The following MAGI1 variants were observed in gnomAD, a reference collection of about 807,000 sequenced individuals.
MAGI1 encodes the protein membrane-associated guanylate kinase, WW and PDZ domain-containing protein 1.
MAGI1 carries 58 observed loss-of-function variants against 139.9 expected under a neutral mutation model. That is an observed-to-expected ratio of 0.41 (90% CI 0.34 to 0.52). The LOEUF is 0.52. MAGI1 is among the 20% of genes least tolerant of loss of function. The pLI, the probability that MAGI1 is intolerant of heterozygous loss-of-function variation, is 0.12. For missense variants in MAGI1, 1,874 were observed against 1,901.6 expected (o/e 0.99, Z 0.27); for synonymous variants, 812 against 737.9 (o/e 1.10, Z -1.63).
intron 1 of MAGI1, among the ~76,000 whole-genome samples, chr3:65,927,921 G>A (rs1347307124): frequency 6.6e-6 from 1 of 152,126 alleles, no homozygotes; most frequent in African/African-American, 2.4e-5. Flanking sequence ...TTCAGAAAAA[G>A]CAATCAAGAA....
intron 1 of MAGI1, among the ~76,000 whole-genome samples, chr3:65,981,599 C>G (rs1051193942): frequency 2.0e-5 from 3 of 152,180 alleles, no homozygotes; most frequent in African/African-American, 7.2e-5. Flanking sequence ...CCTCACCCTT[C>G]TCATCTTGAA....
Position 65,710,839 on chromosome 3 carries a change from TAAATA to T in MAGI1, c.314-88756_314-88752del, listed in dbSNP as rs138554264. Among the ~76,000 whole-genome samples the T allele has an allele frequency of 7.1e-4, 108 of 152,360 alleles. No homozygotes were observed. The East Asian group carries it at 0.02, about 29-fold the overall frequency. ...CCCTTCTTGACTAAGGAGTCCGTTT[TAAATA>T]TATGCTTTCCCAATGCCCATTGATA... On this transcript the variant is annotated intron_variant, in intron 1 of 22. Transcript: ENST00000402939.
intron 2 of MAGI1, among the ~76,000 whole-genome samples, chr3:65,527,596 A>G (rs1223324703): frequency 6.6e-6 from 1 of 152,054 alleles, no homozygotes; most frequent in Non-Finnish European, 1.5e-5. Context: ...GTGGTGGCAG[A>G]CGCCTGTAGT....
intron 1 of MAGI1, among the ~76,000 whole-genome samples, chr3:65,733,279 C>G (rs1436989865): frequency 6.6e-6 from 1 of 152,110 alleles, no homozygotes; most frequent in African/African-American, 2.4e-5. Context: ...AGGCTAGTCT[C>G]GAACTCCTGA....
At chr3:65,447,860 G>A (rs115577259) in intron 7 of MAGI1, among the ~76,000 whole-genome samples, 162 bp downstream of exon 7, 134 of 152,310 alleles carry the variant, frequency 8.8e-4, no homozygotes, top group African/African-American at 3.1e-3. Context: ...AGGCAGACAC[G>A]CAGGTTGTAA....
chr3:65,444,408 T>C, intron 7 of MAGI1, among the ~76,000 whole-genome samples: 1 of 152,018 alleles, frequency 6.6e-6, no homozygotes, highest in East Asian at 1.9e-4. Flanking sequence ...TGCACAGTCA[T>C]ACATTTGTAT....
Position 65,356,734 on chromosome 3 carries a change from T to C in MAGI1, c.4033A>G (p.Lys1345Glu), listed in dbSNP as rs753823882. ...CGCTCCGGAGAGACGTCTCGTCTCT[T>C]CTCGTGCTTCTCCCTCCTCTCCAAA... is the stretch of plus-strand genomic sequence containing the variant. ...NTLERREKHEKRRDVSPERRR... is the reference protein window; with the variant it reads ...NTLERREKHEERRDVSPERRR... The change falls in exon 23 of 23, where the codon AAG becomes GAG. Residue 1345 changes from lysine to glutamate, a missense_variant. By Grantham distance (56) the Lys-to-Glu change is moderately conservative. Around this residue, in one of 5 missense-constraint regions of MAGI1, gnomAD observed 653 missense variants for 644.5 expected, o/e 1.01. Coordinates refer to ENST00000402939, the MANE Select transcript of MAGI1 (RefSeq NM_001033057.2). 5.0e-6 allele frequency: 8 copies of C among 1,595,538 alleles called. No individual in the cohort carries two copies. The African/African-American group carries it at 8.1e-5, about 16-fold the overall frequency.
At chr3:65,399,534 A>G (rs1000320684) in intron 13 of MAGI1, among the ~76,000 whole-genome samples, 1 of 152,204 alleles carries the variant, frequency 6.6e-6, no homozygotes, top group African/African-American at 2.4e-5. Flanking sequence ...TCAGGTAAGG[A>G]CAAGCCCCAA....
chr3:65,498,300 C>T (rs1376302038), intron 2 of MAGI1, among the ~76,000 whole-genome samples: 1 of 145,700 alleles, frequency 6.9e-6, no homozygotes, highest in East Asian at 2.1e-4. Context: ...AAAAAAAAAG[C>T]GACCAGGCTG....
intron 13 of MAGI1, among the ~76,000 whole-genome samples, chr3:65,395,636 C>CAAAAAAAAAAAAAAA (rs58806140): frequency 0.042 from 806 of 19,138 alleles, 205 homozygotes; most frequent in Non-Finnish European, 0.061. Flanking sequence ...GACTCCATCT[C>CAAAAAAAAAAAAAAA]AAAAAAAAAA....
chr3:65,895,613 T>A (rs1244337474), intron 1 of MAGI1, among the ~76,000 whole-genome samples: 2 of 152,202 alleles, frequency 1.3e-5, no homozygotes, highest in Admixed American at 6.5e-5. Context: ...GCTTTCTGTA[T>A]CAAAGGGAAT....
At chr3:65,739,053 G>A (rs1559836704) in intron 1 of MAGI1, among the ~76,000 whole-genome samples, 2 of 152,150 alleles carry the variant, frequency 1.3e-5, no homozygotes, top group Admixed American at 1.3e-4. Context: ...GGAAAGTCCT[G>A]GACAACATAT....
In MAGI1 at chr3:65,393,187, A is replaced by G. The variant is rs1019115335; in HGVS notation, c.2200-1829T>C. Among the ~76,000 whole-genome samples the G allele has an allele frequency of 3.3e-5, 5 of 152,230 alleles. No homozygotes were observed. The East Asian group carries it at 7.7e-4, about 24-fold the overall frequency. ...AACAGTGAATTCAGCTCCCAGGGCC[A>G]GAGTGAGAAAATGTAAATGATGGAT... is the stretch of plus-strand genomic sequence containing the variant. On this transcript the variant is annotated intron_variant, in intron 13 of 22. Coordinates refer to ENST00000402939, the MANE Select transcript of MAGI1 (RefSeq NM_001033057.2).
chr3:65,385,359 A>G (rs532007588), intron 14 of MAGI1, among the ~76,000 whole-genome samples: 1 of 152,316 alleles, frequency 6.6e-6, no homozygotes, highest in Non-Finnish European at 1.5e-5. Context: ...GAAAAAATAT[A>G]TATTTCAGTT....
Position 65,555,302 on chromosome 3 carries a change from G to A in MAGI1, c.431-61671C>T, listed in dbSNP as rs550068655. ...TATCATGGTTAACATAGTATTTTCC[G>A]GATTCCTTTCTGCCTCAGAATAGCT... is the stretch of plus-strand genomic sequence containing the variant. On this transcript the variant is annotated intron_variant, in intron 2 of 22. Coordinates refer to ENST00000402939, the MANE Select transcript of MAGI1 (RefSeq NM_001033057.2). Among the ~76,000 whole-genome samples the A allele has an allele frequency of 2.6e-5, 4 of 152,148 alleles. No homozygotes were observed. The East Asian group carries it at 7.7e-4, about 29-fold the overall frequency.
intron 12 of MAGI1, among the ~76,000 whole-genome samples, chr3:65,424,396 C>T (rs1946856051): frequency 6.6e-6 from 1 of 152,130 alleles, no homozygotes; most frequent in African/African-American, 2.4e-5. Context: ...CAGGAAGTGC[C>T]AGAGACACAA....
At chr3:65,737,051 C>T (rs1294788436) in intron 1 of MAGI1, among the ~76,000 whole-genome samples, 1 of 151,664 alleles carries the variant, frequency 6.6e-6, no homozygotes, top group Non-Finnish European at 1.5e-5. Context: ...TGTCCCTAGG[C>T]TGGAGTGCAG....
chr3:65,607,045 T>C (rs1018655075), intron 2 of MAGI1, among the ~76,000 whole-genome samples: 14 of 152,144 alleles, frequency 9.2e-5, no homozygotes, highest in African/African-American at 3.4e-4. Flanking sequence ...AATAACTGCC[T>C]AAGTCCCTAT....
chr3:65,540,481 G>A (rs757762476), intron 2 of MAGI1, among the ~76,000 whole-genome samples: 6 of 152,078 alleles, frequency 3.9e-5, no homozygotes, highest in Non-Finnish European at 5.9e-5. Context: ...ATAAATACCT[G>A]CAGGATGGTA....
Sources: allele counts gnomAD v4.1 joint callset (sites outside exome capture counted in the v4.1 genomes callset), GRCh38; gene constraint gnomAD v4.1.1; regional missense constraint gnomAD v4.1.1; transcripts MANE v1.5; gene names NCBI Gene and HGNC (gene_info 2026-07-23, HGNC 2026-07-21).